The following NUDT3 variants were observed in gnomAD, a reference collection of about 807,000 sequenced individuals.
NUDT3 encodes diphosphoinositol polyphosphate phosphohydrolase 1.
A neutral mutation model predicts 23.6 loss-of-function variants in NUDT3; 9 were observed. The observed-to-expected ratio is 0.38, with a 90% CI of 0.23 to 0.66. NUDT3 has a LOEUF of 0.66. Ranked by LOEUF, NUDT3 falls within the 30% of genes least tolerant of loss-of-function variation. The pLI, the probability that NUDT3 is intolerant of heterozygous loss-of-function variation, is 0.52. For missense variants in NUDT3, 172 were observed against 218.5 expected (o/e 0.79, Z 1.34); for synonymous variants, 86 against 82.6 (o/e 1.04, Z -0.22).
At chr6:34,328,036 T>C (rs1764068478) in intron 2 of NUDT3, among the ~76,000 whole-genome samples, 1 of 152,258 alleles carries the variant, frequency 6.6e-6, no homozygotes, top group East Asian at 1.9e-4. Context: ...ATGCTAATGA[T>C]TGATAATGTC....
At chr6:34,390,056 T>C (rs554804402) in intron 1 of NUDT3, among the ~76,000 whole-genome samples, 2 of 152,004 alleles carry the variant, frequency 1.3e-5, no homozygotes, top group Admixed American at 1.3e-4. Context: ...GAGAACAGCT[T>C]GAACCCGGGA....
At chr6:34,326,715 C>T (rs1764037333) in intron 2 of NUDT3, among the ~76,000 whole-genome samples, 1 of 152,100 alleles carries the variant, frequency 6.6e-6, no homozygotes, top group Non-Finnish European at 1.5e-5. Flanking sequence ...ATTCTCCTGC[C>T]TCAGCCTCCC....
chr6:34,389,777 C>T (rs941307858), intron 1 of NUDT3, among the ~76,000 whole-genome samples: 3 of 152,124 alleles, frequency 2.0e-5, no homozygotes, highest in Admixed American at 2.0e-4. Flanking sequence ...TCCTGGCTAA[C>T]ACGGTAACAA....
At chr6:34,327,445 G>A (rs1343150731) in intron 2 of NUDT3, among the ~76,000 whole-genome samples, 2 of 150,976 alleles carry the variant, frequency 1.3e-5, no homozygotes, top group Admixed American at 6.6e-5. Context: ...CAGGAAAATC[G>A]CTTGAACCTG....
At chr6:34,304,395 T>C (rs951258169) in intron 2 of NUDT3, among the ~76,000 whole-genome samples, 2 of 150,222 alleles carry the variant, frequency 1.3e-5, no homozygotes, top group African/African-American at 4.9e-5. Context: ...TGAGACCCCA[T>C]ATCGAAAGAA....
chr6:34,359,045 A>C (rs1764606090), intron 1 of NUDT3, among the ~76,000 whole-genome samples: 1 of 152,222 alleles, frequency 6.6e-6, no homozygotes, highest in Non-Finnish European at 1.5e-5. Flanking sequence ...TTATCACAAT[A>C]AATCACAGAA....
rs1486769404 is a variant in NUDT3, at chr6:34,307,815, A to AAAT, written c.211-12133_211-12131dup. On this transcript the variant is annotated intron_variant, in intron 2 of 4. Transcript: ENST00000607016. ...ACTACACTTTAAACATCAATGGTCT[A>AAAT]AATACATCAATTAAAAGACAGGGTT... Among the ~76,000 whole-genome samples the AAAT allele has an allele frequency of 9.2e-5, 14 of 152,214 alleles. No individual in the cohort carries two copies. In the South Asian group the frequency reaches 1.0e-3, roughly 11 times the overall value.
intron 2 of NUDT3, among the ~76,000 whole-genome samples, chr6:34,310,002 G>A (rs1414898580): frequency 2.0e-5 from 3 of 152,094 alleles, no homozygotes; most frequent in Non-Finnish European, 2.9e-5. Flanking sequence ...GGACGCTGAG[G>A]TGGGAGGACT....
At chr6:34,318,414 T>G (rs1189162860) in intron 2 of NUDT3, among the ~76,000 whole-genome samples, 1 of 152,214 alleles carries the variant, frequency 6.6e-6, no homozygotes, top group African/African-American at 2.4e-5. Context: ...CCCTGCCAGA[T>G]TCCACTCTAT....
intron 1 of NUDT3, among the ~76,000 whole-genome samples, chr6:34,354,880 C>A (rs1764539516): frequency 6.7e-6 from 1 of 148,936 alleles, no homozygotes; most frequent in African/African-American, 2.5e-5. Context: ...ATATTCTATG[C>A]CATACTAAAT....
chr6:34,388,025 G>GT (rs1561926765), intron 1 of NUDT3, among the ~76,000 whole-genome samples: 1 of 151,940 alleles, frequency 6.6e-6, no homozygotes, highest in Non-Finnish European at 1.5e-5. Context: ...TTTTTGTACC[G>GT]TATTTTTCCT....
chr6:34,363,086 T>C (rs892578604), intron 1 of NUDT3, among the ~76,000 whole-genome samples: 1 of 152,166 alleles, frequency 6.6e-6, no homozygotes, highest in African/African-American at 2.4e-5. Flanking sequence ...GAATATACAG[T>C]TAACGATTGA....
At chr6:34,386,257 A>G (rs1765105164) in intron 1 of NUDT3, among the ~76,000 whole-genome samples, 1 of 152,226 alleles carries the variant, frequency 6.6e-6, no homozygotes, top group South Asian at 2.1e-4. Context: ...ACAAATACCC[A>G]ATTTAAAGAT....
intron 4 of NUDT3, among the ~76,000 whole-genome samples, chr6:34,292,716 C>T (rs975077216): frequency 1.3e-5 from 2 of 152,068 alleles, no homozygotes; most frequent in Non-Finnish European, 2.9e-5. Context: ...GGACTCACAC[C>T]ACCAAACCAA....
intron 1 of NUDT3, among the ~76,000 whole-genome samples, chr6:34,362,637 G>A (rs1294317835): frequency 2.0e-5 from 3 of 152,068 alleles, no homozygotes; most frequent in Non-Finnish European, 4.4e-5. Flanking sequence ...TGCATTTTTA[G>A]TAGAGACGAG....
At chr6:34,355,483 T>C (rs1218377283) in intron 1 of NUDT3, among the ~76,000 whole-genome samples, 3 of 152,094 alleles carry the variant, frequency 2.0e-5, no homozygotes, top group African/African-American at 7.2e-5. Context: ...GTGTCTGATG[T>C]TCTCTTTTCT....
rs899119183 is a variant in NUDT3 at position 34,287,498 on chromosome 6, A to G, written c.*1255T>C. ...ACGTGGCCTCCCATATGGACCTTTC[A>G]TATCCTGGTGGGAGATGGGAGACCA... On this transcript the variant is annotated 3_prime_UTR_variant, in exon 5 of 5. Transcript: ENST00000607016. 6.6e-6 allele frequency: 1 copy of G among 152,250 alleles called. No individual in the cohort carries two copies. Among genetic ancestry groups the G allele is most frequent in the African/African-American group, 2.4e-5 (1 of 41,464 alleles). 9.4% of individuals were successfully genotyped at this position (152,250 alleles called of 1,614,324 possible). A position where few individuals can be genotyped will look rare whatever the true frequency, so the allele number is the denominator to read the frequency against.
At chr6:34,290,064 T>C (rs1216445952) in intron 4 of NUDT3, among the ~76,000 whole-genome samples, 1 of 152,120 alleles carries the variant, frequency 6.6e-6, no homozygotes, top group Admixed American at 6.6e-5. Context: ...TCCTGCTCCA[T>C]TTTCCTCATC....
At chr6:34,330,462 T>A (rs906365884) in intron 2 of NUDT3, among the ~76,000 whole-genome samples, 4 of 152,212 alleles carry the variant, frequency 2.6e-5, no homozygotes, top group African/African-American at 7.2e-5. Context: ...ACACATTTTT[T>A]AAATAAAGTT....
Sources: gnomAD v4.1 joint callset for allele counts (sites outside exome capture counted in the v4.1 genomes callset) on GRCh38, gnomAD v4.1.1 for gene constraint, MANE v1.5 for transcripts, NCBI Gene and HGNC (gene_info 2026-07-23, HGNC 2026-07-21) for gene names.